The following KRT6C variants were observed in gnomAD, a reference collection of about 807,000 sequenced individuals.
KRT6C encodes keratin 6C.
Under a neutral mutation model 49.4 loss-of-function variants are expected in KRT6C, and 46 were observed. The observed-to-expected ratio is 0.93, with a 90% CI of 0.74 to 1.19. The LOEUF (loss-of-function observed/expected upper bound fraction) is 1.19, where lower values mean the gene tolerates loss of function less well. Ranked by LOEUF, KRT6C falls within the 50% of genes most tolerant of loss-of-function variation. The probability of loss-of-function intolerance (pLI) is 0.00; values close to 1 mark genes in which losing one functional copy is unlikely to be tolerated. For synonymous variants in KRT6C, 236 were observed against 297.1 expected (o/e 0.79, Z 2.12); for missense variants, 552 against 737.5 (o/e 0.75, Z 2.91).
chr12:52,469,238 A>C lies in KRT6C; in HGVS notation c.1519T>G (p.Leu507Val), dbSNP rs1373232013. Residue 507 changes from leucine (L) to valine (V), a missense_variant, in exon 9 of 9, where the codon TTA (leucine) becomes GTA (valine). Around this residue, in one of 3 missense-constraint regions of KRT6C, gnomAD observed 425 missense variants for 439.4 expected, o/e 0.97. Coordinates refer to ENST00000252250, the MANE Select transcript of KRT6C (RefSeq NM_173086.5). ...YGGASGVGSG[L>V]GLGGGSSYSY... The stretch of plus-strand genomic sequence containing the variant: ...TAGCTGCTTCCTCCACCCAGGCCTA[A>C]GCCACTGCCGACACCGCTGGCACCG... 1.2e-6 allele frequency: 2 copies of C among 1,613,802 alleles called. No homozygotes were observed. The highest frequency in any genetic ancestry group is 2.7e-5 in the African/African-American group (2 of 74,926).
At chr12:52,470,010 C>T in intron 6 of KRT6C, 120 bp from the exon 7 acceptor site, 5 of 1,139,992 alleles carry the variant, frequency 4.4e-6, no homozygotes, top group Non-Finnish European at 6.5e-6. Flanking sequence ...TTGACTCTTC[C>T]TGTCCAGTAT....
At chr12:52,472,962 C>T (rs934188868) in intron 1 of KRT6C, among the ~76,000 whole-genome samples, 2 of 150,594 alleles carry the variant, frequency 1.3e-5, no homozygotes, top group African/African-American at 4.8e-5. Flanking sequence ...ATCTGTGCTT[C>T]AGGGTTATGA....
At chr12:52,470,257 A>T in intron 6 of KRT6C, 1 of 626,262 alleles carries the variant, frequency 1.6e-6, no homozygotes, top group Non-Finnish European at 2.8e-6. Context: ...CAAAATTATG[A>T]CCATCTGTAG....
intron 7 of KRT6C, 63 bp from the exon 8 acceptor site, chr12:52,469,508 G>T (rs1384661577): frequency 1.9e-6 from 3 of 1,613,644 alleles, no homozygotes; most frequent in African/African-American, 2.7e-5. Flanking sequence ...GGACCAGTGT[G>T]GGCAGCCTCG....
chr12:52,472,907 C>T (rs1212941454), intron 1 of KRT6C, among the ~76,000 whole-genome samples: 1 of 146,620 alleles, frequency 6.8e-6, no homozygotes, highest in African/African-American at 2.4e-5. Flanking sequence ...ATCTCTTAAA[C>T]ACTTCAGAGG....
intron 3 of KRT6C, 32 bp downstream of exon 3, chr12:52,471,640 A>G (rs1336025842): frequency 6.2e-7 from 1 of 1,607,468 alleles, no homozygotes; most frequent in African/African-American, 1.4e-5. Flanking sequence ...CTCCTTCTAA[A>G]TGAATTTGAA....
At chr12:52,471,565 T>C (rs368883498) in intron 3 of KRT6C, 49 bp from the exon 4 acceptor site, 2 of 1,588,818 alleles carry the variant, frequency 1.3e-6, no homozygotes, top group Non-Finnish European at 1.7e-6. Context: ...ACCTTTCCAA[T>C]CTACCCATCT....
At position 52,473,804 on chromosome 12, in the gene KRT6C, A is replaced by G; in HGVS notation, c.-67T>C. 6.2e-7 allele frequency: 1 copy of G among 1,610,874 alleles called. No homozygotes were observed. The highest frequency in any genetic ancestry group is 8.5e-7 in the Non-Finnish European group (1 of 1,178,638). On this transcript the variant is annotated 5_prime_UTR_variant, in exon 1 of 9. Coordinates refer to ENST00000252250, the MANE Select transcript of KRT6C (RefSeq NM_173086.5). ...GGAGGCGAGAGGCAGGAGAAGCAGG[A>G]CAAGGAATCGGGCTCCAGCAGTAGC...
intron 1 of KRT6C, 82 bp downstream of exon 1, chr12:52,473,116 C>T: frequency 7.3e-7 from 1 of 1,377,944 alleles, no homozygotes; most frequent in Middle Eastern, 2.5e-4. Flanking sequence ...TCCCTCCCTC[C>T]TAGGTCTCCC....
intron 1 of KRT6C, 42 bp downstream of exon 1, chr12:52,473,156 G>A: frequency 7.2e-7 from 1 of 1,393,758 alleles, no homozygotes. Context: ...TTCTGGTCTG[G>A]GGACCCTGAA....
At position 52,471,533 on chromosome 12, in the gene KRT6C, C is replaced by T; in HGVS notation, c.817-17G>A. On this transcript the variant is annotated splice_polypyrimidine_tract_variant and intron_variant, in intron 3 of 8. Transcript: ENST00000252250. ...ATCCACATCCTGGGGAAAGAGCCAA[C>T]AACCTGGAGTTACCTGAGCTCACCT... The T allele has an allele frequency of 6.2e-7, 1 of 1,613,296 alleles. No homozygotes were observed. The highest frequency in any genetic ancestry group is 8.5e-7 in the Non-Finnish European group (1 of 1,179,702).
Position 52,473,791 on chromosome 12 carries a change from C to G in KRT6C, c.-54G>C, listed in dbSNP as rs1292364850. The G allele has an allele frequency of 8.7e-6, 14 of 1,612,742 alleles. No homozygotes were observed. Among genetic ancestry groups the G allele is most frequent in the South Asian group, 4.4e-5 (4 of 90,942 alleles). ...AGCGTTGGAGGCTGGAGGCGAGAGG[C>G]AGGAGAAGCAGGACAAGGAATCGGG... On this transcript the variant is annotated 5_prime_UTR_variant, in exon 1 of 9. Transcript: ENST00000252250.
At position 52,471,470 on chromosome 12, in the gene KRT6C, G is replaced by T; in HGVS notation, c.863C>A (p.Ala288Glu). The change falls in exon 4 of 9, where the codon GCA becomes GAA. Residue 288 changes from alanine to glutamate, a missense_variant. Physicochemically the swap from Ala to Glu is moderately radical, Grantham distance 107. This residue lies in a region of KRT6C where 425 missense variants were observed against 439.4 expected (regional missense o/e 0.97). Coordinates refer to ENST00000252250, the MANE Select transcript of KRT6C (RefSeq NM_173086.5). ...YMNKVELQAK[A>E]DTLTDEINFL... is the part of the protein sequence containing the mutation. ...GTTGATCTCATCTGTGAGAGTGTCT[G>T]CCTTGGCTTGCAGTTCAACCTTGTT... The T allele has an allele frequency of 6.2e-7, 1 of 1,613,810 alleles. No homozygotes were observed. The highest frequency in any genetic ancestry group is 8.5e-7 in the Non-Finnish European group (1 of 1,179,884).
rs1289372140 is a variant in KRT6C, at chr12:52,469,051, G to A, written c.*11C>T. On this transcript the variant is annotated 3_prime_UTR_variant, in exon 9 of 9. Transcript: ENST00000252250. Reference sequence around the variant, plus strand: ...CTGAGGACTGTGGGACCGAGAGCTGGAGGCAGCACTTTAGTGCTTGTAGCT... The same window carrying A: ...CTGAGGACTGTGGGACCGAGAGCTGAAGGCAGCACTTTAGTGCTTGTAGCT... 4.3e-6 allele frequency: 7 copies of A among 1,614,012 alleles called. No individual in the cohort carries two copies. The African/African-American group carries it at 8.0e-5, about 18-fold the overall frequency.
rs780282537 is a variant in KRT6C at position 52,473,546 on chromosome 12, C to T, written c.192G>A (p.Leu64=). ...AGFGSRSLYG[L]GGSKRISIGG... ...CAATGGAGATCCTCTTGGAGCCCCC[C>T]AGGCCATACAGACTGCGGCTGCCAA... The change falls in exon 1 of 9, where the codon CTG becomes CTA. Residue 64 remains leucine, a synonymous_variant. Transcript: ENST00000252250. 14 of 1,582,452 alleles carry T rather than the reference C, an allele frequency of 8.8e-6. No individual in the cohort carries two copies. Among genetic ancestry groups the T allele is most frequent in the Admixed American group, 1.7e-5 (1 of 57,734 alleles).
Position 52,472,320 on chromosome 12 carries a change from A to G in KRT6C, c.541-40T>C. On this transcript the variant is annotated intron_variant, in intron 1 of 8. Transcript: ENST00000252250. ...AGATGGTCATTTTCCAGGCAAAGGA[A>G]GGAAGAAAAAGTGTCTGGTATCCAG... The G allele has an allele frequency of 3.6e-6, 5 of 1,390,684 alleles. 1 individual carries two copies. Among genetic ancestry groups the G allele is most frequent in the African/African-American group, 1.4e-5 (1 of 73,958 alleles). The allele number at this position is 1,390,684 out of a possible 1,614,324, so 86.1% of individuals were successfully genotyped here.
rs1592178989 is a variant in KRT6C, at chr12:52,473,795, A to G, written c.-58T>C. The G allele has an allele frequency of 6.2e-7, 1 of 1,612,866 alleles. No homozygotes were observed. ...TTGGAGGCTGGAGGCGAGAGGCAGG[A>G]GAAGCAGGACAAGGAATCGGGCTCC... On this transcript the variant is annotated 5_prime_UTR_variant, in exon 1 of 9. Coordinates refer to ENST00000252250, the MANE Select transcript of KRT6C (RefSeq NM_173086.5).
At chr12:52,469,965 G>C (rs1043038819) in intron 6 of KRT6C, 75 bp from the exon 7 acceptor site, 2 of 1,558,298 alleles carry the variant, frequency 1.3e-6, no homozygotes, top group African/African-American at 1.4e-5. Context: ...TAGTGAACCA[G>C]GGTCCTGTAA....
intron 1 of KRT6C, among the ~76,000 whole-genome samples, chr12:52,472,895 T>A (rs989439459): frequency 3.4e-5 from 5 of 144,996 alleles, no homozygotes; most frequent in African/African-American, 1.2e-4. Flanking sequence ...ATTTGCTTTG[T>A]AATCTCTTAA....
Sources: allele counts gnomAD v4.1 joint callset (sites outside exome capture counted in the v4.1 genomes callset), GRCh38; gene constraint gnomAD v4.1.1; regional missense constraint gnomAD v4.1.1; transcripts MANE v1.5; gene names NCBI Gene and HGNC (gene_info 2026-07-23, HGNC 2026-07-21).